Variants in ITSN1 observed in about 807,000 individuals in gnomAD.
ITSN1 encodes the protein intersectin-1.
A neutral mutation model predicts 239.8 loss-of-function variants in ITSN1; 58 were observed. That is an observed-to-expected ratio of 0.24 (90% CI 0.20 to 0.30). The LOEUF is 0.30. ITSN1 is among the 10% of genes least tolerant of loss of function. ITSN1 has a pLI of 1.00. For missense variants in ITSN1, 1,558 were observed against 2,103.3 expected, an observed-to-expected ratio of 0.74 and a Z score of 5.07; for synonymous variants, 780 against 770.8, an observed-to-expected ratio of 1.01 and a Z score of -0.20.
chr21:33,817,717 T>G, intron 22 of ITSN1: 1 of 972,476 alleles, frequency 1.0e-6, no homozygotes, highest in Non-Finnish European at 1.3e-6. Flanking sequence ...AGATGTACAA[T>G]AAATGGTAAT....
At chr21:33,874,019 A>G (rs988618928) in intron 33 of ITSN1, among the ~76,000 whole-genome samples, 1 of 149,578 alleles carries the variant, frequency 6.7e-6, no homozygotes, top group Non-Finnish European at 1.5e-5. Flanking sequence ...AAAATTAGCC[A>G]GGCGTGGTGG....
intron 31 of ITSN1, among the ~76,000 whole-genome samples, chr21:33,859,969 C>T (rs551660904): frequency 2.1e-4 from 32 of 152,298 alleles, no homozygotes; most frequent in African/African-American, 7.5e-4. Flanking sequence ...GGCTGTGTGT[C>T]TTCTGGCAGG....
intron 8 of ITSN1, among the ~76,000 whole-genome samples, chr21:33,761,527 G>A (rs1399289186): frequency 6.6e-6 from 1 of 152,102 alleles, no homozygotes; most frequent in African/African-American, 2.4e-5. Flanking sequence ...GTTGAGCAGG[G>A]TGGAGACAGC....
Position 33,875,405 on chromosome 21 carries a change from G to T in ITSN1, c.4225G>T (p.Ala1409Ser), listed in dbSNP as rs781569279. 20 of 1,614,118 alleles carry T rather than the reference G, an allele frequency of 1.2e-5. No homozygotes were observed. In the Admixed American group the frequency reaches 3.2e-4, roughly 26 times the overall value. ...NHPDHSHLKH[A>S]LEKAEELCSQ... ...CCCGGACCACAGCCACTTGAAGCAC[G>T]CCCTGGAGAAGGCGGAAGAGCTCTG... The change falls in exon 34 of 40, where the codon GCC (alanine) becomes TCC (serine). Residue 1409 changes from alanine (A) to serine (S), a missense_variant. Ala to Ser is a moderately conservative substitution (Grantham distance 99). Around this residue, in one of 2 missense-constraint regions of ITSN1, gnomAD observed 576 missense variants for 893.3 expected, o/e 0.64. Coordinates refer to ENST00000381318, the MANE Select transcript of ITSN1 (RefSeq NM_003024.3).
At chr21:33,868,067 G>T (rs1408981118) in intron 33 of ITSN1, among the ~76,000 whole-genome samples, 1 of 152,208 alleles carries the variant, frequency 6.6e-6, no homozygotes, top group East Asian at 1.9e-4. Flanking sequence ...GAAAGGGACC[G>T]AGCCGGTTGC....
chr21:33,669,098 T>G (rs1254889179), intron 1 of ITSN1, among the ~76,000 whole-genome samples: 1 of 152,222 alleles, frequency 6.6e-6, no homozygotes, highest in East Asian at 1.9e-4. Flanking sequence ...GGTATTGTAT[T>G]TTTTGAGACA....
chr21:33,662,422 T>C (rs1160299818), intron 1 of ITSN1, among the ~76,000 whole-genome samples: 2 of 152,214 alleles, frequency 1.3e-5, no homozygotes, highest in African/African-American at 2.4e-5. Flanking sequence ...TATACTAATA[T>C]TTTTCATTTT....
chr21:33,757,320 A>G (rs1191112786), intron 8 of ITSN1, among the ~76,000 whole-genome samples: 1 of 152,190 alleles, frequency 6.6e-6, no homozygotes, highest in Non-Finnish European at 1.5e-5. Context: ...TGACCCAGGC[A>G]CTTGAGCATT....
intron 1 of ITSN1, among the ~76,000 whole-genome samples, chr21:33,707,873 T>C (rs1291099299): frequency 1.1e-4 from 17 of 152,250 alleles, no homozygotes; most frequent in Non-Finnish European, 1.5e-5. Flanking sequence ...GAAATCTTTG[T>C]GTGGGCATAA....
intron 27 of ITSN1, among the ~76,000 whole-genome samples, 194 bp downstream of exon 27, chr21:33,829,939 G>A (rs1388974501): frequency 1.3e-5 from 2 of 152,172 alleles, no homozygotes; most frequent in East Asian, 3.9e-4. Context: ...AGATTTCTGA[G>A]AGCTAGGAGC....
At chr21:33,701,842 C>T (rs969186195) in intron 1 of ITSN1, among the ~76,000 whole-genome samples, 18 of 149,714 alleles carry the variant, frequency 1.2e-4, no homozygotes, top group African/African-American at 3.7e-4. Flanking sequence ...CTGAGGTGGG[C>T]GGATTGCCTG....
chr21:33,769,521 G>A (rs886685845), intron 11 of ITSN1, among the ~76,000 whole-genome samples: 10 of 152,164 alleles, frequency 6.6e-5, no homozygotes, highest in African/African-American at 2.4e-4. Context: ...ATCTCTCACC[G>A]TTCTGGAGGC....
intron 31 of ITSN1, among the ~76,000 whole-genome samples, chr21:33,861,701 C>G: frequency 6.6e-6 from 1 of 152,066 alleles, no homozygotes; most frequent in East Asian, 1.9e-4. Context: ...TATCCCAGCA[C>G]TTTGGGAGGC....
At chr21:33,728,232 T>C (rs2065948302) in intron 4 of ITSN1, among the ~76,000 whole-genome samples, 1 of 152,118 alleles carries the variant, frequency 6.6e-6, no homozygotes, top group Non-Finnish European at 1.5e-5. Flanking sequence ...CTCAAAGTGC[T>C]GGGATTATAG....
In ITSN1 at chr21:33,812,758, C is replaced by T. The variant is rs188055682; in HGVS notation, c.2568-1155C>T. On this transcript the variant is annotated intron_variant, in intron 21 of 39. Coordinates refer to ENST00000381318, the MANE Select transcript of ITSN1 (RefSeq NM_003024.3). ...AAGTGATCCTCCTGCCTTGGCCTCC[C>T]AAAGCGCTGGGATTAGAGGTATCAG... is the stretch of plus-strand genomic sequence containing the variant. Among the ~76,000 whole-genome samples, 30 of 152,182 alleles carry T rather than the reference C, an allele frequency of 2.0e-4. 1 individual carries two copies. Among genetic ancestry groups the T allele is most frequent in the Admixed American group, 1.8e-3 (28 of 15,286 alleles).
chr21:33,791,023 G>A lies in ITSN1; in HGVS notation c.1825-3318G>A, dbSNP rs139379628. Among the ~76,000 whole-genome samples the A allele has an allele frequency of 2.0e-5, 3 of 152,334 alleles. No homozygotes were observed. In the East Asian group the frequency reaches 5.8e-4, roughly 29 times the overall value. On this transcript the variant is annotated intron_variant, in intron 16 of 39. Coordinates refer to ENST00000381318, the MANE Select transcript of ITSN1 (RefSeq NM_003024.3). ...CTACAAGGACTTTGTTCTGGCAAAG[G>A]AAGGAGAGTCATTCACTCATTTTTT... is the stretch of plus-strand genomic sequence containing the variant.
rs1986568206 is a variant in ITSN1 at position 33,894,393 on chromosome 21, T to G, written c.*6093T>G. ...AGGGTCAGTTTCCCCTTATTGGATG[T>G]CAGGGGTGTTTTGTGAGTTGTGTTT... On this transcript the variant is annotated 3_prime_UTR_variant, in exon 40 of 40. Coordinates refer to ENST00000381318, the MANE Select transcript of ITSN1 (RefSeq NM_003024.3). 1 of 152,218 alleles carries G rather than the reference T, an allele frequency of 6.6e-6. No homozygotes were observed. Among genetic ancestry groups the G allele is most frequent in the Non-Finnish European group, 1.5e-5 (1 of 68,048 alleles). 9.4% of individuals were successfully genotyped at this position (152,218 alleles called of 1,614,324 possible). A position where few individuals can be genotyped will look rare whatever the true frequency, so the allele number is the denominator to read the frequency against.
At position 33,778,870 on chromosome 21, in the gene ITSN1, G is replaced by A. The variant is rs527622235; in HGVS notation, c.1597-2591G>A. Among the ~76,000 whole-genome samples the A allele has an allele frequency of 9.9e-5, 14 of 141,316 alleles. No homozygotes were observed. The South Asian group carries it at 2.7e-3, about 27-fold the overall frequency. The allele number at this position is 141,316 out of a possible 152,430, so 92.7% of individuals were successfully genotyped here. A position where few individuals can be genotyped will look rare whatever the true frequency, so the allele number is the denominator to read the frequency against. ...TGGGATTACAGGCGTGAGCCACCGC[G>A]CCCGGCCTATAATATTCTCTTATTG... On this transcript the variant is annotated intron_variant, in intron 14 of 39. Transcript: ENST00000381318.
chr21:33,705,696 C>G (rs2092226628), intron 1 of ITSN1, among the ~76,000 whole-genome samples: 1 of 151,494 alleles, frequency 6.6e-6, no homozygotes, highest in African/African-American at 2.4e-5. Flanking sequence ...CTGGCTAAAA[C>G]CTACATTTTT....
Sources: gnomAD v4.1 joint callset for allele counts (sites outside exome capture counted in the v4.1 genomes callset) on GRCh38, gnomAD v4.1.1 for gene constraint, gnomAD v4.1.1 regional missense constraint, MANE v1.5 for transcripts, NCBI Gene and HGNC (gene_info 2026-07-23, HGNC 2026-07-21) for gene names.